The following PTPRD variants were observed in gnomAD, a reference collection of about 807,000 sequenced individuals.
PTPRD encodes the protein receptor-type tyrosine-protein phosphatase delta.
Under a neutral mutation model 214.5 loss-of-function variants are expected in PTPRD, and 34 were observed. That is an observed-to-expected ratio of 0.16 (90% CI 0.12 to 0.21). PTPRD has a LOEUF of 0.21. Among genes scored for constraint, PTPRD ranks in the 10% least tolerant of loss-of-function variants. The pLI, the probability that PTPRD is intolerant of heterozygous loss-of-function variation, is 1.00. For missense variants in PTPRD, 2,545 were observed against 2,398.7 expected (o/e 1.06, Z -1.27); for synonymous variants, 1,128 against 845.7 (o/e 1.33, Z -5.79).
At chr9:9,825,200 A>C (rs945636664) in intron 5 of PTPRD, among the ~76,000 whole-genome samples, 1 of 151,986 alleles carries the variant, frequency 6.6e-6, no homozygotes, top group Non-Finnish European at 1.5e-5. Flanking sequence ...TTCATATAGG[A>C]AAGACAGAAT....
chr9:8,461,842 G>A (rs186371538), intron 32 of PTPRD, among the ~76,000 whole-genome samples: 2 of 151,908 alleles, frequency 1.3e-5, no homozygotes, highest in East Asian at 3.9e-4. Context: ...TAGAGATGGG[G>A]TCTCACCATG....
At chr9:10,553,051 T>C (rs1198901607) in intron 2 of PTPRD, among the ~76,000 whole-genome samples, 4 of 152,284 alleles carry the variant, frequency 2.6e-5, no homozygotes, top group East Asian at 3.9e-4. Context: ...GTGCCTCCAG[T>C]TGACCATTCC....
At chr9:8,619,024 T>C (rs2095716860) in intron 14 of PTPRD, among the ~76,000 whole-genome samples, 1 of 149,688 alleles carries the variant, frequency 6.7e-6, no homozygotes, top group Non-Finnish European at 1.5e-5. Flanking sequence ...CCTCCCAAAA[T>C]GCTGGGATTA....
intron 10 of PTPRD, among the ~76,000 whole-genome samples, chr9:9,061,286 A>G (rs994778012): frequency 6.6e-6 from 1 of 152,228 alleles, no homozygotes; most frequent in African/African-American, 2.4e-5. Flanking sequence ...GGAATTGTTG[A>G]CAGTGTATTT....
intron 5 of PTPRD, among the ~76,000 whole-genome samples, chr9:9,794,829 A>T (rs2098991842): frequency 6.6e-6 from 1 of 152,172 alleles, no homozygotes; most frequent in Non-Finnish European, 1.5e-5. Flanking sequence ...ACCTGACTAG[A>T]ATGGTGTTTT....
chr9:8,474,447 T>A (rs2096723172), intron 30 of PTPRD, among the ~76,000 whole-genome samples: 1 of 152,164 alleles, frequency 6.6e-6, no homozygotes, highest in East Asian at 1.9e-4. Context: ...TCTCCTCCAC[T>A]CTACCTTAGC....
chr9:8,565,736 T>C (rs1483935430), intron 14 of PTPRD, among the ~76,000 whole-genome samples: 3 of 152,228 alleles, frequency 2.0e-5, no homozygotes, highest in South Asian at 4.1e-4. Context: ...GATCCTAAAA[T>C]ATTTCACCTT....
intron 7 of PTPRD, among the ~76,000 whole-genome samples, chr9:9,715,079 G>C (rs1055530991): frequency 1.3e-5 from 2 of 152,096 alleles, no homozygotes; most frequent in African/African-American, 4.8e-5. Context: ...GAAGACCTGG[G>C]TTTATGCTGG....
chr9:10,439,796 G>A (rs182010793), intron 2 of PTPRD, among the ~76,000 whole-genome samples: 5 of 151,792 alleles, frequency 3.3e-5, no homozygotes, highest in East Asian at 3.9e-4. Context: ...AAGGGAGCAA[G>A]TAATAGGGCA....
At chr9:8,466,287 A>C (rs1033115679) in intron 31 of PTPRD, among the ~76,000 whole-genome samples, 1 of 151,912 alleles carries the variant, frequency 6.6e-6, no homozygotes, top group Non-Finnish European at 1.5e-5. Flanking sequence ...ATTAGGGTGC[A>C]CTTCCTTACA....
intron 8 of PTPRD, among the ~76,000 whole-genome samples, chr9:9,558,632 T>C (rs1274793005): frequency 6.6e-6 from 1 of 152,182 alleles, no homozygotes; most frequent in African/African-American, 2.4e-5. Flanking sequence ...TGCCCATCTA[T>C]TGGCACAGAT....
chr9:9,590,898 T>C (rs1349466700), intron 7 of PTPRD, among the ~76,000 whole-genome samples: 1 of 151,978 alleles, frequency 6.6e-6, no homozygotes, highest in Non-Finnish European at 1.5e-5. Flanking sequence ...TTGCTTTGGG[T>C]ATTATCGTGT....
intron 2 of PTPRD, among the ~76,000 whole-genome samples, chr9:10,528,924 G>A (rs1480682384): frequency 2.0e-5 from 3 of 152,072 alleles, no homozygotes; most frequent in African/African-American, 4.8e-5. Context: ...TGTGGATAGG[G>A]TTAGTTTTGT....
Position 9,458,470 on chromosome 9 carries a change from T to C in PTPRD, c.-236-60988A>G, listed in dbSNP as rs183330889. ...ATTCTTTTAGGCTAACTTTGTATAA[T>C]GAGTGTGCATGTCTTTACTTCAAAA... On this transcript the variant is annotated intron_variant, in intron 8 of 45. Transcript: ENST00000381196. Among the ~76,000 whole-genome samples the C allele has an allele frequency of 3.3e-3, 508 of 152,204 alleles. 3 individuals are homozygous for C. Among genetic ancestry groups the C allele is most frequent in the African/African-American group, 0.011 (438 of 41,544 alleles).
At chr9:8,713,780 G>A (rs1335031289) in intron 12 of PTPRD, 5 of 1,538,026 alleles carry the variant, frequency 3.3e-6, no homozygotes, top group Non-Finnish European at 4.4e-6. Flanking sequence ...CTGCCCCACC[G>A]GGTCCTGCGC....
At chr9:9,698,228 C>T (rs897672422) in intron 7 of PTPRD, among the ~76,000 whole-genome samples, 6 of 152,160 alleles carry the variant, frequency 3.9e-5, no homozygotes, top group Admixed American at 1.3e-4. Context: ...GTCTTCCCAT[C>T]AAAGGACTAG....
intron 3 of PTPRD, among the ~76,000 whole-genome samples, chr9:10,117,782 T>TA (rs1248816670): frequency 4.6e-5 from 7 of 151,362 alleles, no homozygotes; most frequent in East Asian, 1.9e-4. Flanking sequence ...GTCAGAAGAT[T>TA]AAAAAAAAAT....
chr9:8,848,307 T>A (rs1391362336), intron 11 of PTPRD, among the ~76,000 whole-genome samples: 3 of 88,398 alleles, frequency 3.4e-5, no homozygotes, highest in Non-Finnish European at 6.2e-5. Context: ...ATGCTTAAGA[T>A]TTTTCCTTTT....
chr9:9,254,531 CA>C (rs1343336190), intron 9 of PTPRD, among the ~76,000 whole-genome samples: 5 of 151,904 alleles, frequency 3.3e-5, no homozygotes, highest in African/African-American at 9.7e-5. Flanking sequence ...ATGGTTATAA[CA>C]AAAGATTCTC....
Sources: allele counts gnomAD v4.1 joint callset (sites outside exome capture counted in the v4.1 genomes callset), GRCh38; gene constraint gnomAD v4.1.1; transcripts MANE v1.5; gene names NCBI Gene and HGNC (gene_info 2026-07-23, HGNC 2026-07-21).